SLC25A40: variants seen among roughly 807,000 people sequenced by gnomAD.
The protein encoded by SLC25A40 is solute carrier family 25 member 40.
A neutral mutation model predicts 46.5 loss-of-function variants in SLC25A40; 41 were observed. The observed-to-expected ratio is 0.88, with a 90% CI of 0.69 to 1.14. The LOEUF (loss-of-function observed/expected upper bound fraction) is 1.14, where lower values mean the gene tolerates loss of function less well. Ranked by LOEUF, SLC25A40 falls within the 50% of genes most tolerant of loss-of-function variation. The pLI, the probability that SLC25A40 is intolerant of heterozygous loss-of-function variation, is 0.00. For synonymous variants in SLC25A40, 126 were observed against 127.5 expected, an observed-to-expected ratio of 0.99 and a Z score of 0.08; for missense variants, 386 against 393.6, an observed-to-expected ratio of 0.98 and a Z score of 0.16.
At chr7:87,863,553 G>GT (rs1838740071) in intron 1 of SLC25A40, among the ~76,000 whole-genome samples, 1 of 151,420 alleles carries the variant, frequency 6.6e-6, no homozygotes, top group East Asian at 1.9e-4. Flanking sequence ...TTTATTAGCA[G>GT]TGTGAGAACG....
At chr7:87,837,138 T>C (rs534900069) in intron 10 of SLC25A40, 1 of 153,682 alleles carries the variant, frequency 6.5e-6, no homozygotes, top group South Asian at 2.1e-4. Flanking sequence ...CTTAAAAATT[T>C]TTCATAATGA....
chr7:87,836,883 G>T, intron 10 of SLC25A40, 73 bp from the exon 11 acceptor site: 1 of 873,720 alleles, frequency 1.1e-6, no homozygotes, highest in Non-Finnish European at 1.7e-6. Context: ...ATAACATAGT[G>T]TCCATGGCCC....
At chr7:87,858,162 T>C (rs1026045470) in intron 3 of SLC25A40, among the ~76,000 whole-genome samples, 1 of 152,202 alleles carries the variant, frequency 6.6e-6, no homozygotes, top group African/African-American at 2.4e-5. Flanking sequence ...TCTTTTCTGT[T>C]GTTTAAGATG....
chr7:87,869,745 G>GA (rs1408174698), intron 1 of SLC25A40, among the ~76,000 whole-genome samples: 2 of 152,092 alleles, frequency 1.3e-5, no homozygotes, highest in Non-Finnish European at 2.9e-5. Flanking sequence ...ATGAAAATCT[G>GA]GGTTGTTTCA....
intron 1 of SLC25A40, among the ~76,000 whole-genome samples, chr7:87,861,641 T>C (rs962215634): frequency 3.9e-5 from 6 of 152,154 alleles, no homozygotes; most frequent in South Asian, 2.1e-4. Context: ...GGGAACATAT[T>C]TGTAACATTC....
At chr7:87,857,803 C>T (rs899954518) in intron 3 of SLC25A40, among the ~76,000 whole-genome samples, 7 of 152,128 alleles carry the variant, frequency 4.6e-5, no homozygotes, top group Non-Finnish European at 7.4e-5. Flanking sequence ...AGAATAACAG[C>T]GATTTTAGGG....
chr7:87,839,449 T>C (rs922363579), intron 10 of SLC25A40, among the ~76,000 whole-genome samples: 6 of 150,842 alleles, frequency 4.0e-5, no homozygotes, highest in African/African-American at 1.2e-4. Flanking sequence ...TATAGTTCAA[T>C]TGTCCAGTTA....
intron 1 of SLC25A40, among the ~76,000 whole-genome samples, chr7:87,861,878 T>C (rs1838705037): frequency 6.6e-6 from 1 of 152,290 alleles, no homozygotes; most frequent in East Asian, 1.9e-4. Context: ...TATAACTTTT[T>C]AGAATAGTTA....
intron 1 of SLC25A40, among the ~76,000 whole-genome samples, chr7:87,863,507 A>G (rs981637251): frequency 1.4e-4 from 22 of 151,740 alleles, no homozygotes; most frequent in Non-Finnish European, 2.4e-4. Context: ...CAATTGAACA[A>G]TTTTCCTTTA....
chr7:87,871,200 A>C (rs1029901825), intron 1 of SLC25A40, among the ~76,000 whole-genome samples: 37 of 152,334 alleles, frequency 2.4e-4, no homozygotes, highest in African/African-American at 8.4e-4. Context: ...CCCATGCATG[A>C]AGGCGTCAGG....
intron 3 of SLC25A40, among the ~76,000 whole-genome samples, chr7:87,857,038 T>C (rs1047581702): frequency 1.3e-5 from 2 of 152,204 alleles, no homozygotes; most frequent in Non-Finnish European, 2.9e-5. Flanking sequence ...GTTCTAATCA[T>C]TTGTTATTTA....
intron 5 of SLC25A40, among the ~76,000 whole-genome samples, chr7:87,853,984 T>G (rs1838560461): frequency 6.6e-6 from 1 of 152,172 alleles, no homozygotes; most frequent in Non-Finnish European, 1.5e-5. Flanking sequence ...TCATTTTATA[T>G]TATCTCAAAA....
At chr7:87,855,759 C>T (rs1014512209) in intron 4 of SLC25A40, among the ~76,000 whole-genome samples, 6 of 152,080 alleles carry the variant, frequency 3.9e-5, no homozygotes, top group African/African-American at 1.4e-4. Context: ...TGTTTTCTGC[C>T]ACTTAAAATA....
chr7:87,847,154 AAAAT>A (rs1247717907), intron 7 of SLC25A40, 32 bp from the exon 8 acceptor site: 2 of 1,532,774 alleles, frequency 1.3e-6, no homozygotes, highest in African/African-American at 1.4e-5. Context: ...AAAGAAAACA[AAAAT>A]AAAGCCATGT....
At position 87,841,646 on chromosome 7, in the gene SLC25A40, A is replaced by AT. The variant is rs1278477611; in HGVS notation, c.809dup (p.Tyr270Ter). 6.6e-7 allele frequency: 1 copy of AT among 1,505,120 alleles called. No homozygotes were observed. The highest frequency in any genetic ancestry group is 8.9e-7 in the Non-Finnish European group (1 of 1,125,966). The allele number at this position is 1,505,120 out of a possible 1,614,324, so 93.2% of individuals were successfully genotyped here. A position where few individuals can be genotyped will look rare whatever the true frequency, so the allele number is the denominator to read the frequency against. Residue 270 changes from tyrosine (Y) to a stop codon, truncating the protein, a stop_gained and frameshift_variant, in exon 10 of 12, where the codon TAT becomes TAAT. Coordinates refer to ENST00000341119, the MANE Select transcript of SLC25A40 (RefSeq NM_018843.4). LOFTEE classifies it high-confidence loss of function. ...AATTAAACTTACTTTTATGACTTTCATATGTCCAAAGTTGTGTCTGCTTTT... is the reference window on the plus strand; with the variant it reads ...AATTAAACTTACTTTTATGACTTTCATTATGTCCAAAGTTGTGTCTGCTTTT... Reference protein sequence around the residue: ...KTQKQTQLWTYESHKISMPLH... With the variant: ...KTQKQTQLWT
intron 1 of SLC25A40, among the ~76,000 whole-genome samples, chr7:87,863,928 C>T (rs1352090360): frequency 1.3e-5 from 2 of 152,190 alleles, no homozygotes; most frequent in African/African-American, 4.8e-5. Flanking sequence ...TTTAGCTCCA[C>T]ATATGACTGA....
intron 1 of SLC25A40, among the ~76,000 whole-genome samples, chr7:87,861,832 C>A (rs111237007): frequency 2.6e-5 from 4 of 152,018 alleles, no homozygotes; most frequent in African/African-American, 9.6e-5. Flanking sequence ...ATATTTCTAG[C>A]CATCAGAATG....
intron 5 of SLC25A40, 70 bp downstream of exon 5, chr7:87,854,134 T>C (rs1325364857): frequency 2.3e-5 from 24 of 1,059,022 alleles, no homozygotes; most frequent in Non-Finnish European, 3.2e-5. Context: ...CCTCTTGCAA[T>C]TAGAAAATAT....
chr7:87,857,447 G>T (rs1040212757), intron 3 of SLC25A40, among the ~76,000 whole-genome samples: 31 of 152,280 alleles, frequency 2.0e-4, no homozygotes, highest in African/African-American at 6.7e-4. Flanking sequence ...CAAGTCTCTT[G>T]AATCTCTGTC....
Sources: gnomAD v4.1 joint callset for allele counts (sites outside exome capture counted in the v4.1 genomes callset) on GRCh38, gnomAD v4.1.1 for gene constraint, MANE v1.5 for transcripts, NCBI Gene and HGNC (gene_info 2026-07-23, HGNC 2026-07-21) for gene names.